Variants in PHF21B observed in about 807,000 individuals in gnomAD.
The protein encoded by PHF21B is PHD finger protein 4.
Under a neutral mutation model 62.2 loss-of-function variants are expected in PHF21B, and 22 were observed. That is an observed-to-expected ratio of 0.35 (90% CI 0.25 to 0.51). PHF21B has a LOEUF of 0.51. Ranked by LOEUF, PHF21B falls within the 20% of genes least tolerant of loss-of-function variation. PHF21B has a pLI of 0.97. For missense variants in PHF21B, 701 were observed against 707.9 expected (o/e 0.99, Z 0.11); for synonymous variants, 341 against 314.7 (o/e 1.08, Z -0.88).
At chr22:44,883,673 G>T (rs2070777918) in intron 12 of PHF21B, among the ~76,000 whole-genome samples, 1 of 152,018 alleles carries the variant, frequency 6.6e-6, no homozygotes, top group Non-Finnish European at 1.5e-5. Flanking sequence ...TCTTTCTCTC[G>T]CCTGTTGTGC....
At chr22:44,904,020 A>G (rs117780795) in intron 5 of PHF21B, among the ~76,000 whole-genome samples, 2,128 of 151,616 alleles carry the variant, frequency 0.014, 29 homozygotes, top group African/African-American at 0.037. Context: ...ACTTCTTGGG[A>G]AAAAAAAGCT....
rs768313026 is a variant in PHF21B, at chr22:44,883,130, C to T, written c.1552G>A (p.Ala518Thr). 6.2e-7 allele frequency: 1 copy of T among 1,612,652 alleles called. No homozygotes were observed. Residue 518 changes from alanine to threonine, a missense_variant, in exon 13 of 13, where the codon GCA becomes ACA. Ala to Thr is a moderately conservative substitution (Grantham distance 58, BLOSUM62 0). Coordinates refer to ENST00000313237, the MANE Select transcript of PHF21B (RefSeq NM_138415.5). The stretch of plus-strand genomic sequence containing the variant: ...TGCTGGACGGTGGGGTGTGTGGCTG[C>T]CACTGAGGGCTTGGTCCAGGGCCCG... ...LAGPWTKPSV[A>T]ATHPTVQHPQ...
At chr22:44,946,550 T>C (rs535541006) in intron 2 of PHF21B, among the ~76,000 whole-genome samples, 1 of 151,750 alleles carries the variant, frequency 6.6e-6, no homozygotes, top group East Asian at 1.9e-4. Context: ...GATGGAAGGG[T>C]AGATGGACAG....
Position 44,943,486 on chromosome 22 carries a change from T to TG in PHF21B, c.121-22997dup, listed in dbSNP as rs1464247031. Among the ~76,000 whole-genome samples the TG allele has an allele frequency of 2.0e-5, 3 of 152,226 alleles. No homozygotes were observed. The East Asian group carries it at 5.8e-4, about 29-fold the overall frequency. ...GCTCTGGGAAAGGCCCCACTAGTGC[T>TG]GGGGGCGGCCCGATCTCCAGCAGGC... On this transcript the variant is annotated intron_variant, in intron 2 of 12. Coordinates refer to ENST00000313237, the MANE Select transcript of PHF21B (RefSeq NM_138415.5).
intron 7 of PHF21B, among the ~76,000 whole-genome samples, chr22:44,892,211 G>A (rs1054808940): frequency 2.6e-5 from 4 of 152,188 alleles, no homozygotes; most frequent in Non-Finnish European, 4.4e-5. Flanking sequence ...ACACCTCCAC[G>A]ATGTTCTTAC....
chr22:44,928,867 G>T (rs1047352151), intron 2 of PHF21B, among the ~76,000 whole-genome samples: 1 of 152,198 alleles, frequency 6.6e-6, no homozygotes, highest in Non-Finnish European at 1.5e-5. Context: ...CAGGCCCTGG[G>T]GCTGCAGAGG....
chr22:44,914,653 G>T (rs1279794521), intron 4 of PHF21B, among the ~76,000 whole-genome samples: 1 of 152,254 alleles, frequency 6.6e-6, no homozygotes, highest in Non-Finnish European at 1.5e-5. Context: ...GGGGGCACAG[G>T]TGGGAATAAC....
chr22:44,926,548 T>A (rs537416329), intron 2 of PHF21B, among the ~76,000 whole-genome samples: 1 of 152,330 alleles, frequency 6.6e-6, no homozygotes, highest in South Asian at 2.1e-4. Flanking sequence ...CAAGCCCACA[T>A]GTGCCTCTGT....
intron 2 of PHF21B, among the ~76,000 whole-genome samples, chr22:44,999,195 C>G (rs1444078851): frequency 2.6e-5 from 4 of 152,158 alleles, no homozygotes; most frequent in African/African-American, 7.2e-5. Context: ...GAAGTCACCA[C>G]CAAAAACAAC....
At chr22:44,995,933 G>C (rs917040411) in intron 2 of PHF21B, among the ~76,000 whole-genome samples, 14 of 152,252 alleles carry the variant, frequency 9.2e-5, no homozygotes, top group African/African-American at 3.1e-4. Flanking sequence ...CAGCGGAGGG[G>C]ACGTGGCAAG....
chr22:44,931,905 G>T (rs2071750275), intron 2 of PHF21B, among the ~76,000 whole-genome samples: 1 of 152,202 alleles, frequency 6.6e-6, no homozygotes, highest in Admixed American at 6.5e-5. Flanking sequence ...CGTGGGCCCT[G>T]CTCTCAGAGA....
In PHF21B at chr22:44,913,912, C is replaced by A. The variant is rs2071388274; in HGVS notation, c.741G>T (p.Glu247Asp). Reference sequence around the variant, plus strand: ...ATGGCTCCTCTGTGGGCGGCCGCGACTCTGCCGTGCTCTCGGGCTGCGTCT... The same window carrying A: ...ATGGCTCCTCTGTGGGCGGCCGCGAATCTGCCGTGCTCTCGGGCTGCGTCT... Reference protein sequence around the residue: ...QVQTQPESTAESRPPTEEPSQ... With the variant: ...QVQTQPESTADSRPPTEEPSQ... The change falls in exon 5 of 13, where the codon GAG becomes GAT. Residue 247 changes from glutamate to aspartate, a missense_variant. Physicochemically the swap from Glu to Asp is conservative, Grantham distance 45. Transcript: ENST00000313237. The A allele has an allele frequency of 6.2e-7, 1 of 1,613,686 alleles. No homozygotes were observed. The highest frequency in any genetic ancestry group is 1.1e-5 in the South Asian group (1 of 91,052).
At chr22:44,916,962 C>T (rs1407762242) in intron 3 of PHF21B, among the ~76,000 whole-genome samples, 1 of 152,260 alleles carries the variant, frequency 6.6e-6, no homozygotes, top group East Asian at 1.9e-4. Flanking sequence ...TGACGCCCTG[C>T]AGATCAAGTC....
intron 2 of PHF21B, among the ~76,000 whole-genome samples, chr22:44,958,028 G>T (rs768044537): frequency 6.6e-6 from 1 of 151,770 alleles, no homozygotes; most frequent in Non-Finnish European, 1.5e-5. Context: ...TCTGCCTCCC[G>T]AGTAGCTAGG....
At chr22:44,974,418 A>C (rs1376457753) in intron 2 of PHF21B, among the ~76,000 whole-genome samples, 1 of 151,980 alleles carries the variant, frequency 6.6e-6, no homozygotes, top group Non-Finnish European at 1.5e-5. Flanking sequence ...TTAAAAAAAA[A>C]AAAAAAAATG....
chr22:45,001,620 T>C (rs538726893), intron 2 of PHF21B, among the ~76,000 whole-genome samples: 4 of 152,364 alleles, frequency 2.6e-5, no homozygotes, highest in African/African-American at 9.6e-5. Context: ...TAAAGCCTTA[T>C]AGAGTGAGAT....
At chr22:44,945,588 CA>C (rs2072051572) in intron 2 of PHF21B, among the ~76,000 whole-genome samples, 1 of 152,150 alleles carries the variant, frequency 6.6e-6, no homozygotes. Flanking sequence ...AGATCCCCTG[CA>C]CCTGGGCTGC....
At chr22:44,911,625 G>A (rs1442945167) in intron 5 of PHF21B, among the ~76,000 whole-genome samples, 1 of 152,226 alleles carries the variant, frequency 6.6e-6, no homozygotes, top group Non-Finnish European at 1.5e-5. Flanking sequence ...GTCAAGAATT[G>A]AGGTTTTGGA....
intron 5 of PHF21B, among the ~76,000 whole-genome samples, chr22:44,909,078 G>A (rs1368021207): frequency 1.3e-5 from 2 of 152,208 alleles, no homozygotes; most frequent in Non-Finnish European, 2.9e-5. Flanking sequence ...GATTACAGGT[G>A]TGAGCCACTG....
Sources: gnomAD v4.1 joint callset for allele counts (sites outside exome capture counted in the v4.1 genomes callset) on GRCh38, gnomAD v4.1.1 for gene constraint, MANE v1.5 for transcripts, NCBI Gene and HGNC (gene_info 2026-07-23, HGNC 2026-07-21) for gene names.